ADAM2: variants seen among roughly 807,000 people sequenced by gnomAD.
ADAM2 encodes the protein disintegrin and metalloproteinase domain-containing protein 2.
In ADAM2, 101 loss-of-function variants were observed where a neutral mutation model predicts 99.3. The observed-to-expected ratio is 1.02, with a 90% CI of 0.87 to 1.20. The LOEUF is 1.20. Ranked by LOEUF, ADAM2 falls within the 50% of genes most tolerant of loss-of-function variation. The probability of loss-of-function intolerance (pLI) is 0.00; values close to 1 mark genes in which losing one functional copy is unlikely to be tolerated. For synonymous variants in ADAM2, 323 were observed against 287.6 expected (o/e 1.12, Z -1.25); for missense variants, 948 against 878.7 (o/e 1.08, Z -1.00).
intron 6 of ADAM2, among the ~76,000 whole-genome samples, chr8:39,812,632 A>G (rs1276524065): frequency 6.6e-6 from 1 of 152,164 alleles, no homozygotes; most frequent in Non-Finnish European, 1.5e-5. Flanking sequence ...CACATCTACA[A>G]CCATCTGATC....
intron 7 of ADAM2, 35 bp from the exon 8 acceptor site, chr8:39,788,775 A>G: frequency 8.9e-7 from 1 of 1,129,842 alleles, no homozygotes; most frequent in Non-Finnish European, 1.2e-6. Context: ...ATATAAATAT[A>G]TATTGCTTAA....
At chr8:39,826,358 G>A (rs1040736202) in intron 3 of ADAM2, among the ~76,000 whole-genome samples, 17 of 152,130 alleles carry the variant, frequency 1.1e-4, no homozygotes, top group Non-Finnish European at 2.2e-4. Flanking sequence ...TCCCTTCAAT[G>A]AAATCACATA....
intron 10 of ADAM2, among the ~76,000 whole-genome samples, chr8:39,785,572 G>A (rs1803432338): frequency 6.6e-6 from 1 of 152,138 alleles, no homozygotes; most frequent in African/African-American, 2.4e-5. Flanking sequence ...AAGGCGGGGG[G>A]ATCACATGAG....
intron 10 of ADAM2, among the ~76,000 whole-genome samples, chr8:39,778,453 C>T (rs1803086841): frequency 6.6e-6 from 1 of 152,010 alleles, no homozygotes; most frequent in Non-Finnish European, 1.5e-5. Context: ...TCTCTTTGAA[C>T]CCTTGATGGG....
chr8:39,764,400 T>C (rs13280279), intron 14 of ADAM2, among the ~76,000 whole-genome samples: 71,360 of 151,980 alleles, frequency 0.47, 17,102 homozygotes, highest in South Asian at 0.67. Context: ...AGACCCTCAC[T>C]GCCCTCTTCC....
chr8:39,746,734 T>G (rs1486384221), intron 18 of ADAM2, 103 bp from the exon 19 acceptor site: 1 of 886,698 alleles, frequency 1.1e-6, no homozygotes, highest in African/African-American at 1.8e-5. Context: ...TTTGAACAAT[T>G]TAATAATTTA....
intron 16 of ADAM2, 135 bp from the exon 17 acceptor site, chr8:39,749,879 C>T (rs1488239635): frequency 1.7e-6 from 1 of 586,888 alleles, no homozygotes; most frequent in Non-Finnish European, 3.0e-6. Flanking sequence ...AATTAGTATA[C>T]TAACAATGAA....
chr8:39,813,182 C>A (rs1336569228), intron 6 of ADAM2, among the ~76,000 whole-genome samples: 1 of 152,190 alleles, frequency 6.6e-6, no homozygotes, highest in Non-Finnish European at 1.5e-5. Flanking sequence ...CTCATCATCA[C>A]TGGCCATCAG....
At chr8:39,828,341 T>A (rs899080147) in intron 3 of ADAM2, among the ~76,000 whole-genome samples, 3 of 151,780 alleles carry the variant, frequency 2.0e-5, no homozygotes, top group Non-Finnish European at 4.4e-5. Flanking sequence ...AAACATATGG[T>A]AATTGGTAGG....
At chr8:39,775,193 CT>C (rs893454063) in intron 11 of ADAM2, among the ~76,000 whole-genome samples, 2 of 151,888 alleles carry the variant, frequency 1.3e-5, no homozygotes, top group African/African-American at 2.4e-5. Flanking sequence ...CATTTTAAGA[CT>C]TTTTTTTAGA....
chr8:39,766,825 A>C, intron 14 of ADAM2, 23 bp downstream of exon 14: 1 of 1,533,932 alleles, frequency 6.5e-7, no homozygotes, highest in Non-Finnish European at 8.8e-7. Flanking sequence ...CGCATATATG[A>C]GAAATCAAAT....
chr8:39,815,015 G>A (rs1368446250), intron 6 of ADAM2, among the ~76,000 whole-genome samples: 2 of 151,936 alleles, frequency 1.3e-5, no homozygotes, highest in Admixed American at 6.6e-5. Flanking sequence ...GAAAGTTCTA[G>A]GGAATTTTTA....
chr8:39,821,770 T>A (rs1805199131), intron 4 of ADAM2, 108 bp from the exon 5 acceptor site: 2 of 738,104 alleles, frequency 2.7e-6, no homozygotes, highest in Non-Finnish European at 4.5e-6. Context: ...CAAACACTCA[T>A]GTTTCAAAAA....
intron 10 of ADAM2, among the ~76,000 whole-genome samples, chr8:39,783,950 G>GA (rs201001327): frequency 0.2 from 28,452 of 144,162 alleles, 3,069 homozygotes; most frequent in East Asian, 0.29. Flanking sequence ...GTCTCGAAAA[G>GA]AAAAAAAAAA....
chr8:39,824,577 G>C (rs563617945), intron 4 of ADAM2, among the ~76,000 whole-genome samples: 1 of 152,160 alleles, frequency 6.6e-6, no homozygotes, highest in Admixed American at 6.5e-5. Context: ...TATCACCTCA[G>C]GTACATAAGC....
intron 6 of ADAM2, among the ~76,000 whole-genome samples, chr8:39,812,009 G>T (rs1024629821): frequency 5.9e-5 from 9 of 152,114 alleles, no homozygotes; most frequent in African/African-American, 9.7e-5. Context: ...CAGATGACAT[G>T]ATTGTATATT....
At chr8:39,818,101 A>G (rs1467052988) in intron 6 of ADAM2, 1 of 152,010 alleles carries the variant, frequency 6.6e-6, no homozygotes, top group East Asian at 1.9e-4. Context: ...CCCTGATACC[A>G]AAGACAGAGA....
chr8:39,767,154 A>G lies in ADAM2; in HGVS notation c.1310T>C (p.Leu437Pro), dbSNP rs745560777. ...TGAAATTTTTCAAAAAGCTCTTACTAGACAGTTTTCGCAGCATGGTCCTTC... is the reference window on the plus strand; with the variant it reads ...TGAAATTTTTCAAAAAGCTCTTACTGGACAGTTTTCGCAGCATGGTCCTTC... ...CAEGPCCENCLFMSKERMCRP... is the reference protein window; with the variant it reads ...CAEGPCCENCPFMSKERMCRP... Residue 437 changes from leucine to proline, a missense_variant and splice_region_variant, in exon 13 of 21, where the codon CTA becomes CCA. Leu to Pro is a moderately conservative substitution (Grantham distance 98, BLOSUM62 -3). Coordinates refer to ENST00000265708, the MANE Select transcript of ADAM2 (RefSeq NM_001464.5). The G allele has an allele frequency of 3.7e-6, 6 of 1,606,078 alleles. No homozygotes were observed. The highest frequency in any genetic ancestry group is 3.3e-5 in the South Asian group (3 of 89,788).
Position 39,824,886 on chromosome 8 carries a change from G to A in ADAM2, c.200C>T (p.Pro67Leu). ...TVNLMQKNFL[P>L]HNFRVYSYSG... is the part of the protein sequence containing the mutation. ...ATAACTGTAAACTCTAAAATTATGG[G>A]GTAAAAAGTTTCTGTAACATAAAGA... The change falls in exon 4 of 21, where the codon CCC becomes CTC. Residue 67 changes from proline to leucine, a missense_variant. Coordinates refer to ENST00000265708, the MANE Select transcript of ADAM2 (RefSeq NM_001464.5). 1 of 1,487,450 alleles carries A rather than the reference G, an allele frequency of 6.7e-7. No homozygotes were observed. The allele number at this position is 1,487,450 out of a possible 1,614,324, so 92.1% of individuals were successfully genotyped here.
Sources: gnomAD v4.1 joint callset for allele counts (sites outside exome capture counted in the v4.1 genomes callset) on GRCh38, gnomAD v4.1.1 for gene constraint, MANE v1.5 for transcripts, NCBI Gene and HGNC (gene_info 2026-07-23, HGNC 2026-07-21) for gene names.